PLCG2: variants seen among roughly 807,000 people sequenced by gnomAD.
PLCG2 encodes the protein 1-phosphatidylinositol 4,5-bisphosphate phosphodiesterase gamma-2.
In PLCG2, 69 loss-of-function variants were observed where a neutral mutation model predicts 175.6. The observed-to-expected ratio is 0.39, with a 90% CI of 0.32 to 0.48. PLCG2 has a LOEUF of 0.48. PLCG2 is among the 20% of genes least tolerant of loss of function. The pLI is 0.91. For missense variants in PLCG2, 1,798 were observed against 1,650.9 expected (o/e 1.09, Z -1.54); for synonymous variants, 827 against 624.0 (o/e 1.33, Z -4.85).
chr16:81,828,907 A>G (rs1205468966), intron 2 of PLCG2, among the ~76,000 whole-genome samples: 3 of 152,146 alleles, frequency 2.0e-5, no homozygotes, highest in Admixed American at 6.6e-5. Context: ...AAGAGGCTGT[A>G]TCTTACCAAC....
chr16:81,895,866 A>G lies in PLCG2; in HGVS notation c.1132A>G (p.Thr378Ala). ...PVIYHGWTRT[T>A]KIKFDDVVQA... is the part of the protein sequence containing the mutation. ...CATCTACCATGGCTGGACGCGGACT[A>G]CCAAGATCAAGTTTGACGACGTCGT... Residue 378 changes from threonine to alanine, a missense_variant, in exon 13 of 33, where the codon ACC (threonine) becomes GCC (alanine). Transcript: ENST00000564138. 6.2e-7 allele frequency: 1 copy of G among 1,614,088 alleles called. No individual in the cohort carries two copies. The highest frequency in any genetic ancestry group is 8.5e-7 in the Non-Finnish European group (1 of 1,179,974).
chr16:81,841,886 G>A (rs1368157624), intron 2 of PLCG2, among the ~76,000 whole-genome samples: 1 of 152,230 alleles, frequency 6.6e-6, no homozygotes, highest in Admixed American at 6.5e-5. Context: ...AGATCAGTAA[G>A]CAACGCTGGG....
chr16:81,850,573 G>T (rs938709864), intron 2 of PLCG2, among the ~76,000 whole-genome samples: 1 of 152,150 alleles, frequency 6.6e-6, no homozygotes, highest in South Asian at 2.1e-4. Context: ...GGCTTTATTG[G>T]AGCTTATGCC....
intron 1 of PLCG2, chr16:81,783,163 T>G (rs1027077233): frequency 2.1e-6 from 1 of 487,736 alleles, no homozygotes; most frequent in Non-Finnish European, 4.1e-6. Context: ...TTGTGTTTCC[T>G]ACTTATGTTC....
At chr16:81,881,851 C>A (rs898711535) in intron 8 of PLCG2, among the ~76,000 whole-genome samples, 1 of 151,708 alleles carries the variant, frequency 6.6e-6, no homozygotes, top group African/African-American at 2.4e-5. Flanking sequence ...GGGGTTTCAC[C>A]ATGTTGGCCA....
intron 2 of PLCG2, among the ~76,000 whole-genome samples, chr16:81,831,456 C>T (rs1905255367): frequency 6.6e-6 from 1 of 152,218 alleles, no homozygotes; most frequent in African/African-American, 2.4e-5. Flanking sequence ...ACTTGGTCTC[C>T]TTAAATCCTC....
At chr16:81,778,650 C>G (rs76594819), upstream of PLCG2, among the ~76,000 whole-genome samples, 3,100 of 152,202 alleles carry the variant, frequency 0.02, 54 homozygotes, top group Non-Finnish European at 0.031. Context: ...ATGTTGATCA[C>G]GTTTTACAGA....
intron 8 of PLCG2, 84 bp downstream of exon 8, chr16:81,881,037 C>T: frequency 7.2e-7 from 1 of 1,386,728 alleles, no homozygotes. Context: ...GAGGGGATGC[C>T]TGTGTGTGCA....
chr16:81,857,925 A>G, intron 3 of PLCG2: 1 of 259,096 alleles, frequency 3.9e-6, no homozygotes, highest in Non-Finnish European at 7.6e-6. Context: ...AACAATGTCT[A>G]GTATATATAT....
intron 30 of PLCG2, among the ~76,000 whole-genome samples, chr16:81,941,768 C>A (rs1433159975): frequency 1.3e-5 from 2 of 151,094 alleles, no homozygotes; most frequent in African/African-American, 4.9e-5. Context: ...GTGATCTCGG[C>A]TCACTGTAAC....
rs372962733 is a variant in PLCG2, at chr16:81,939,662, G to C, written c.3314-230G>C. On this transcript the variant is annotated intron_variant, in intron 29 of 32. Transcript: ENST00000564138. ...TCCTGGGGCGGGGAGATGGGAGGTG[G>C]TCTCCTTCCTCTGCTCACCAAGGGA... Among the ~76,000 whole-genome samples the C allele has an allele frequency of 3.5e-4, 54 of 152,300 alleles. No homozygotes were observed. In the Middle Eastern group the frequency reaches 0.01, roughly 29 times the overall value.
intron 2 of PLCG2, among the ~76,000 whole-genome samples, chr16:81,794,653 C>G (rs1344796614): frequency 2.6e-5 from 4 of 152,188 alleles, no homozygotes; most frequent in Admixed American, 2.6e-4. Flanking sequence ...CCATAAGACT[C>G]TTGTGATAAG....
intron 17 of PLCG2, among the ~76,000 whole-genome samples, chr16:81,909,095 A>T (rs1909505623): frequency 6.6e-6 from 1 of 152,230 alleles, no homozygotes; most frequent in Non-Finnish European, 1.5e-5. Flanking sequence ...GCATTAAAAG[A>T]TACTTCTTGA....
At chr16:81,847,017 C>T (rs1906156282) in intron 2 of PLCG2, among the ~76,000 whole-genome samples, 1 of 152,178 alleles carries the variant, frequency 6.6e-6, no homozygotes, top group African/African-American at 2.4e-5. Flanking sequence ...GTTGAGAGCT[C>T]AGTCCCTCAA....
chr16:81,805,783 G>GTTTTTTTTTTTTTTTTTTT (rs35014411), intron 2 of PLCG2, among the ~76,000 whole-genome samples: 10 of 82,926 alleles, frequency 1.2e-4, no homozygotes, highest in East Asian at 2.9e-4. Context: ...TTTTTTTTTT[G>GTTTTTTTTTTTTTTTTTTT]TTTTTTTTTT....
intron 13 of PLCG2, among the ~76,000 whole-genome samples, chr16:81,900,359 A>C (rs1891815944): frequency 6.6e-6 from 1 of 152,214 alleles, no homozygotes; most frequent in Non-Finnish European, 1.5e-5. Context: ...AGATGGAAAA[A>C]AATACAGAGA....
intron 2 of PLCG2, among the ~76,000 whole-genome samples, chr16:81,828,724 C>G (rs529070766): frequency 6.6e-6 from 1 of 152,342 alleles, no homozygotes; most frequent in Non-Finnish European, 1.5e-5. Flanking sequence ...CCAGCCGTCA[C>G]AGCCTCAGCC....
chr16:81,849,791 A>AAAAAAAAAC (rs1567497300), intron 2 of PLCG2, among the ~76,000 whole-genome samples: 3 of 145,468 alleles, frequency 2.1e-5, no homozygotes, highest in African/African-American at 5.1e-5. Context: ...AAAAAAAAAA[A>AAAAAAAAAC]AAAAAACCAA....
rs570469039 is a variant in PLCG2 at position 81,919,818 on chromosome 16, C to T, written c.2235+154C>T. Among the ~76,000 whole-genome samples, 12 of 152,224 alleles carry T rather than the reference C, an allele frequency of 7.9e-5. No homozygotes were observed. In the South Asian group the frequency reaches 1.0e-3, roughly 13 times the overall value. ...AAATTGAGCACAACAAAGACCCTGC[C>T]GTTGTGCTGCTTATAGTGTAGTGTT... is the stretch of plus-strand genomic sequence containing the variant. On this transcript the variant is annotated intron_variant, in intron 20 of 32. Transcript: ENST00000564138.
Sources: gnomAD v4.1 joint callset for allele counts (sites outside exome capture counted in the v4.1 genomes callset) on GRCh38, gnomAD v4.1.1 for gene constraint, MANE v1.5 for transcripts, NCBI Gene and HGNC (gene_info 2026-07-23, HGNC 2026-07-21) for gene names.